The following RALYL variants were observed in gnomAD, a reference collection of about 807,000 sequenced individuals.
RALYL encodes RALY RNA binding protein like.
RALYL carries 29 observed loss-of-function variants against 35.1 expected under a neutral mutation model. That is an observed-to-expected ratio of 0.83 (90% CI 0.61 to 1.13). The LOEUF (loss-of-function observed/expected upper bound fraction) is 1.13. Among genes scored for constraint, RALYL ranks in the 50% most tolerant of loss-of-function variants. The pLI is 0.00. For missense variants in RALYL, 359 were observed against 360.4 expected, an observed-to-expected ratio of 1.00 and a Z score of 0.03; for synonymous variants, 120 against 127.6, an observed-to-expected ratio of 0.94 and a Z score of 0.40.
At chr8:84,687,023 CA>C (rs1836947587) in intron 2 of RALYL, among the ~76,000 whole-genome samples, 1 of 152,038 alleles carries the variant, frequency 6.6e-6, no homozygotes, top group African/African-American at 2.4e-5. Context: ...TTTGAAATAA[CA>C]AAAATGGCAA....
chr8:84,686,395 A>ATTGT (rs60501106), intron 2 of RALYL, among the ~76,000 whole-genome samples: 33,907 of 150,066 alleles, frequency 0.23, 3,912 homozygotes, highest in African/African-American at 0.25. Context: ...AATACATCAT[A>ATTGT]TTGTTTGTTT....
At chr8:84,411,376 C>A (rs548165880) in intron 1 of RALYL, among the ~76,000 whole-genome samples, 1 of 151,940 alleles carries the variant, frequency 6.6e-6, no homozygotes, top group South Asian at 2.1e-4. Context: ...TTTTACAGTT[C>A]TTTCAGTGAC....
intron 2 of RALYL, among the ~76,000 whole-genome samples, chr8:84,653,196 CTCT>C (rs970302603): frequency 4.0e-4 from 61 of 152,196 alleles, no homozygotes; most frequent in Admixed American, 1.0e-3. Flanking sequence ...AATAAAACTA[CTCT>C]TCTTCAGCTG....
chr8:84,396,201 A>T (rs1376385776), intron 1 of RALYL, among the ~76,000 whole-genome samples: 1 of 152,022 alleles, frequency 6.6e-6, no homozygotes, highest in Non-Finnish European at 1.5e-5. Context: ...CTTTTGAATT[A>T]ACTTGAAATA....
chr8:84,590,086 C>T (rs990005686), intron 2 of RALYL, among the ~76,000 whole-genome samples: 2 of 152,122 alleles, frequency 1.3e-5, no homozygotes, highest in African/African-American at 4.8e-5. Context: ...CTTCCTAATT[C>T]ATTTCTTTAA....
chr8:84,725,879 A>G (rs1844858736), intron 2 of RALYL, among the ~76,000 whole-genome samples: 1 of 151,654 alleles, frequency 6.6e-6, no homozygotes, highest in Non-Finnish European at 1.5e-5. Context: ...GGAGTCACAA[A>G]CACATTTAAT....
intron 2 of RALYL, among the ~76,000 whole-genome samples, chr8:84,774,372 G>A (rs1348638024): frequency 1.3e-5 from 2 of 152,066 alleles, no homozygotes; most frequent in Non-Finnish European, 2.9e-5. Context: ...GTTCCACAAG[G>A]GCAGAGATAT....
chr8:84,624,671 A>G (rs1822331314), intron 2 of RALYL, among the ~76,000 whole-genome samples: 1 of 152,202 alleles, frequency 6.6e-6, no homozygotes, highest in Non-Finnish European at 1.5e-5. Context: ...AAGATTACAT[A>G]TTCACAGTCT....
At chr8:84,294,323 G>A (rs1252686682) in intron 1 of RALYL, among the ~76,000 whole-genome samples, 3 of 152,058 alleles carry the variant, frequency 2.0e-5, no homozygotes, top group Non-Finnish European at 4.4e-5. Flanking sequence ...GAGAGATGTA[G>A]AAAAGTTATT....
chr8:84,816,570 T>C (rs1827340319), intron 4 of RALYL, among the ~76,000 whole-genome samples: 1 of 152,168 alleles, frequency 6.6e-6, no homozygotes, highest in Admixed American at 6.5e-5. Flanking sequence ...TATATTGACT[T>C]ATCTCACAAT....
intron 1 of RALYL, among the ~76,000 whole-genome samples, chr8:84,470,959 C>T (rs528080580): frequency 6.6e-6 from 1 of 152,258 alleles, no homozygotes; most frequent in African/African-American, 2.4e-5. Context: ...TATGGGTTAG[C>T]CTTCCCCAAA....
chr8:84,399,391 C>G (rs1350506025), intron 1 of RALYL, among the ~76,000 whole-genome samples: 1 of 152,074 alleles, frequency 6.6e-6, no homozygotes, highest in African/African-American at 2.4e-5. Flanking sequence ...TTAAAGACTA[C>G]CAATAAGTGC....
At chr8:84,665,217 G>A (rs1291312210) in intron 2 of RALYL, among the ~76,000 whole-genome samples, 2 of 152,000 alleles carry the variant, frequency 1.3e-5, no homozygotes. Context: ...GATTTGGTTT[G>A]CCAGTATTTT....
chr8:84,814,517 CATCTT>C (rs1826711620), intron 4 of RALYL, among the ~76,000 whole-genome samples: 1 of 152,048 alleles, frequency 6.6e-6, no homozygotes, highest in South Asian at 2.1e-4. Context: ...ATATGCATCT[CATCTT>C]AATATAAATT....
chr8:84,565,885 A>C (rs1258674043), intron 2 of RALYL, among the ~76,000 whole-genome samples: 1 of 151,618 alleles, frequency 6.6e-6, no homozygotes, highest in Non-Finnish European at 1.5e-5. Flanking sequence ...AAGTAAAATA[A>C]TGTATATGAA....
At chr8:84,766,029 G>C (rs1159400520) in intron 2 of RALYL, among the ~76,000 whole-genome samples, 1 of 152,126 alleles carries the variant, frequency 6.6e-6, no homozygotes, top group Non-Finnish European at 1.5e-5. Context: ...ATTGCTAGTG[G>C]TAGAGTAAGT....
intron 3 of RALYL, among the ~76,000 whole-genome samples, chr8:84,786,622 G>A (rs908402866): frequency 6.6e-6 from 1 of 152,124 alleles, no homozygotes; most frequent in African/African-American, 2.4e-5. Flanking sequence ...CTGCATAAAT[G>A]TCTTCTTTTG....
At chr8:84,251,529 A>C (rs1830197921) in intron 1 of RALYL, among the ~76,000 whole-genome samples, 1 of 152,036 alleles carries the variant, frequency 6.6e-6, no homozygotes, top group Non-Finnish European at 1.5e-5. Context: ...TCTAGAGTCT[A>C]TTTAGACTGA....
chr8:84,431,921 G>T (rs1362838121), intron 1 of RALYL, among the ~76,000 whole-genome samples: 1 of 152,074 alleles, frequency 6.6e-6, no homozygotes, highest in Non-Finnish European at 1.5e-5. Context: ...GGGGATTGCT[G>T]GATAATAAGA....
Sources: gnomAD v4.1 joint callset for allele counts (sites outside exome capture counted in the v4.1 genomes callset) on GRCh38, gnomAD v4.1.1 for gene constraint, MANE v1.5 for transcripts, NCBI Gene and HGNC (gene_info 2026-07-23, HGNC 2026-07-21) for gene names.